CDKAL1: variants seen among roughly 807,000 people sequenced by gnomAD.
CDKAL1 encodes CDKAL1 threonylcarbamoyladenosine tRNA methylthiotransferase, also known as threonylcarbamoyladenosine tRNA methylthiotransferase.
In CDKAL1, 32 loss-of-function variants were observed where a neutral mutation model predicts 68.2. The observed-to-expected ratio is 0.47, with a 90% CI of 0.35 to 0.63. CDKAL1 has a LOEUF of 0.63. CDKAL1 is among the 30% of genes least tolerant of loss of function. The pLI, the probability that CDKAL1 is intolerant of heterozygous loss-of-function variation, is 0.00. For missense variants in CDKAL1, 606 were observed against 696.7 expected (o/e 0.87, Z 1.47); for synonymous variants, 234 against 244.3 (o/e 0.96, Z 0.39).
chr6:21,015,291 T>C (rs1012624055), intron 11 of CDKAL1, among the ~76,000 whole-genome samples: 2 of 152,222 alleles, frequency 1.3e-5, no homozygotes. Flanking sequence ...AAATCAGTGT[T>C]TTTTTGTTAG....
chr6:21,158,252 G>A (rs1329685640), intron 13 of CDKAL1, among the ~76,000 whole-genome samples: 1 of 152,200 alleles, frequency 6.6e-6, no homozygotes, highest in African/African-American at 2.4e-5. Flanking sequence ...ATTGAGGACA[G>A]TAAATACTGC....
At chr6:20,730,407 GAGAA>G (rs916273875) in intron 5 of CDKAL1, among the ~76,000 whole-genome samples, 6 of 136,866 alleles carry the variant, frequency 4.4e-5, no homozygotes, top group East Asian at 2.1e-4. Context: ...AAGGAAGAAA[GAGAA>G]AGAAAGAAAA....
chr6:20,539,003 G>T lies in CDKAL1; in HGVS notation c.-6+3609G>T, dbSNP rs992940051. 1.3e-5 allele frequency among the ~76,000 whole-genome samples: 2 copies of T among 152,212 alleles called. No homozygotes were observed. The highest frequency in any genetic ancestry group is 4.8e-5 in the African/African-American group (2 of 41,444). On this transcript the variant is annotated intron_variant, in intron 2 of 15. Coordinates refer to ENST00000274695, the MANE Select transcript of CDKAL1 (RefSeq NM_017774.3). The surrounding 1 kb of genome is among the most constrained non-coding windows in gnomAD (Gnocchi z 4.3). ...GATACAATTATATATGTGGTGTCAGGTAGGTAAGCACAATGAAGAAACATG... is the reference window on the plus strand; with the variant it reads ...GATACAATTATATATGTGGTGTCAGTTAGGTAAGCACAATGAAGAAACATG...
rs961907652 is a variant in CDKAL1, at chr6:20,539,027, T to C, written c.-6+3633T>C. Among the ~76,000 whole-genome samples, 8 of 152,128 alleles carry C rather than the reference T, an allele frequency of 5.3e-5. No individual in the cohort carries two copies. Among genetic ancestry groups the C allele is most frequent in the African/African-American group, 1.2e-4 (5 of 41,424 alleles). On this transcript the variant is annotated intron_variant, in intron 2 of 15. Coordinates refer to ENST00000274695, the MANE Select transcript of CDKAL1 (RefSeq NM_017774.3). The surrounding 1 kb of genome is among the most constrained non-coding windows in gnomAD (Gnocchi z 4.3). ...GGTAGGTAAGCACAATGAAGAAACA[T>C]GAAACAAAAGCAGGGTTAGAAGCAG...
chr6:20,828,560 A>G (rs958455253), intron 8 of CDKAL1, among the ~76,000 whole-genome samples: 1 of 152,152 alleles, frequency 6.6e-6, no homozygotes, highest in Non-Finnish European at 1.5e-5. Context: ...GAAATTTAAT[A>G]GGTATTTATA....
chr6:20,950,692 G>A (rs865889941), intron 9 of CDKAL1, among the ~76,000 whole-genome samples: 3 of 152,154 alleles, frequency 2.0e-5, no homozygotes, highest in South Asian at 2.1e-4. Context: ...GGGGCCAGAC[G>A]CGGTGGCTCA....
Position 21,196,710 on chromosome 6 carries a change from A to G in CDKAL1, c.1300-1311A>G, listed in dbSNP as rs143787535. 5.7e-4 allele frequency among the ~76,000 whole-genome samples: 87 copies of G among 152,350 alleles called. 1 individual carries two copies. Among genetic ancestry groups the G allele is most frequent in the African/African-American group, 2.1e-3 (86 of 41,578 alleles). On this transcript the variant is annotated intron_variant, in intron 13 of 15. Transcript: ENST00000274695. ...CGCCTGAACATGGTGACAAGTCCCTACAAATGAGAATAGGAATTTTAAAAA... is the reference window on the plus strand; with the variant it reads ...CGCCTGAACATGGTGACAAGTCCCTGCAAATGAGAATAGGAATTTTAAAAA...
At chr6:20,554,057 G>A (rs763849037) in intron 4 of CDKAL1, among the ~76,000 whole-genome samples, 3 of 152,200 alleles carry the variant, frequency 2.0e-5, no homozygotes, top group Non-Finnish European at 4.4e-5. Context: ...GCCTCAAGTG[G>A]TCTGCCCGCC....
At chr6:20,805,835 A>G (rs1326474362) in intron 8 of CDKAL1, among the ~76,000 whole-genome samples, 1 of 152,218 alleles carries the variant, frequency 6.6e-6, no homozygotes, top group Non-Finnish European at 1.5e-5. Context: ...ATCATGTTTG[A>G]TTGCAGCCGC....
At chr6:20,536,922 G>C (rs911713872) in intron 2 of CDKAL1, among the ~76,000 whole-genome samples, 1 of 152,204 alleles carries the variant, frequency 6.6e-6, no homozygotes. Context: ...TGCAACTGTG[G>C]CTGTACACAC....
intron 15 of CDKAL1, among the ~76,000 whole-genome samples, chr6:21,218,155 A>G (rs1008132898): frequency 6.6e-6 from 1 of 152,212 alleles, no homozygotes; most frequent in African/African-American, 2.4e-5. Flanking sequence ...TATTTAATAT[A>G]TCTGAAATTG....
intron 9 of CDKAL1, among the ~76,000 whole-genome samples, chr6:20,938,044 A>C (rs1250965415): frequency 6.6e-6 from 1 of 152,126 alleles, no homozygotes; most frequent in Non-Finnish European, 1.5e-5. Flanking sequence ...CAGTAATTAA[A>C]ATTATATTAT....
intron 10 of CDKAL1, among the ~76,000 whole-genome samples, chr6:20,975,915 C>A (rs189643864): frequency 6.6e-6 from 1 of 152,280 alleles, no homozygotes; most frequent in East Asian, 1.9e-4. Flanking sequence ...TTAAGGTTCA[C>A]CTTTGATGTA....
intron 11 of CDKAL1, among the ~76,000 whole-genome samples, chr6:21,005,572 T>C (rs981493226): frequency 6.6e-6 from 1 of 152,208 alleles, no homozygotes; most frequent in African/African-American, 2.4e-5. Context: ...ACAATTTGAA[T>C]GAATTAATAA....
chr6:20,567,492 C>G (rs1451947556), intron 4 of CDKAL1, among the ~76,000 whole-genome samples: 1 of 152,024 alleles, frequency 6.6e-6, no homozygotes, highest in Non-Finnish European at 1.5e-5. Context: ...GTGTTTCTCT[C>G]TTGCACATCT....
chr6:20,696,375 T>C (rs76077959), intron 5 of CDKAL1, among the ~76,000 whole-genome samples: 2,280 of 152,316 alleles, frequency 0.015, 49 homozygotes, highest in African/African-American at 0.052. Context: ...CTGTGAACTT[T>C]TGAAGAAATT....
intron 4 of CDKAL1, among the ~76,000 whole-genome samples, chr6:20,562,233 A>G (rs1455267708): frequency 6.7e-6 from 1 of 149,464 alleles, no homozygotes; most frequent in Non-Finnish European, 1.5e-5. Context: ...TGGGAATGAG[A>G]GTGGCATTCT....
intron 11 of CDKAL1, among the ~76,000 whole-genome samples, chr6:21,003,303 T>C (rs2038066): frequency 0.82 from 109,244 of 133,276 alleles, 45,052 homozygotes; most frequent in African/African-American, 0.88. Context: ...GTCAGGAGTT[T>C]AAGACCAGCC....
At chr6:21,224,184 A>G (rs1365880536) in intron 15 of CDKAL1, among the ~76,000 whole-genome samples, 1 of 152,184 alleles carries the variant, frequency 6.6e-6, no homozygotes, top group Admixed American at 6.6e-5. Context: ...GTTACCTTAC[A>G]TGGCAAAAGG....
Sources: gnomAD v4.1 joint callset for allele counts (sites outside exome capture counted in the v4.1 genomes callset) on GRCh38, gnomAD v4.1.1 for gene constraint, Gnocchi (gnomAD v3.1) non-coding constraint, MANE v1.5 for transcripts, NCBI Gene and HGNC (gene_info 2026-07-23, HGNC 2026-07-21) for gene names.